EPB41L4A: variants seen among roughly 807,000 people sequenced by gnomAD.
EPB41L4A encodes the protein erythrocyte membrane protein band 4.1 like 4A.
Under a neutral mutation model 108.6 loss-of-function variants are expected in EPB41L4A, and 100 were observed. The ratio of observed to expected loss-of-function variants is 0.92; its 90% confidence interval spans 0.78 to 1.09. The LOEUF (loss-of-function observed/expected upper bound fraction) is 1.09. EPB41L4A is among the 50% of genes least tolerant of loss of function. EPB41L4A has a pLI of 0.00. For missense variants in EPB41L4A, 1,030 were observed against 842.7 expected, an observed-to-expected ratio of 1.22 and a Z score of -2.75; for synonymous variants, 319 against 289.0, an observed-to-expected ratio of 1.10 and a Z score of -1.05.
intron 2 of EPB41L4A, among the ~76,000 whole-genome samples, chr5:112,284,614 A>G (rs1482752798): frequency 2.0e-5 from 3 of 152,192 alleles, no homozygotes; most frequent in African/African-American, 7.2e-5. Flanking sequence ...TTTTGTAGGA[A>G]GGTAACAATG....
At chr5:112,185,973 G>C (rs1761406577) in intron 17 of EPB41L4A, among the ~76,000 whole-genome samples, 1 of 152,084 alleles carries the variant, frequency 6.6e-6, no homozygotes, top group Non-Finnish European at 1.5e-5. Flanking sequence ...CAGGACTGAG[G>C]GGTCAGGGTT....
At chr5:112,166,455 C>T (rs1337579525) in intron 22 of EPB41L4A, among the ~76,000 whole-genome samples, 1 of 152,110 alleles carries the variant, frequency 6.6e-6, no homozygotes, top group African/African-American at 2.4e-5. Context: ...CCTCAAATAC[C>T]CAGGCCCTCT....
At chr5:112,371,475 A>G (rs568895702) in intron 1 of EPB41L4A, among the ~76,000 whole-genome samples, 18 of 152,178 alleles carry the variant, frequency 1.2e-4, no homozygotes, top group African/African-American at 4.1e-4. Flanking sequence ...CCTTGGCCCC[A>G]CTTCCCTCCG....
At chr5:112,188,635 T>C (rs183509737) in intron 17 of EPB41L4A, among the ~76,000 whole-genome samples, 3 of 152,156 alleles carry the variant, frequency 2.0e-5, no homozygotes, top group Non-Finnish European at 4.4e-5. Context: ...TCAGAAACCC[T>C]TGCATCTGCA....
intron 9 of EPB41L4A, among the ~76,000 whole-genome samples, chr5:112,245,210 AAC>A (rs1374064755): frequency 6.6e-6 from 1 of 152,224 alleles, no homozygotes; most frequent in Non-Finnish European, 1.5e-5. Flanking sequence ...TATGAATGCT[AAC>A]ACAATAAACC....
At chr5:112,377,353 G>A (rs1351393982) in intron 1 of EPB41L4A, among the ~76,000 whole-genome samples, 1 of 152,144 alleles carries the variant, frequency 6.6e-6, no homozygotes, top group African/African-American at 2.4e-5. Context: ...GGGAAACTGG[G>A]CAAAGGGACA....
At chr5:112,414,814 C>A (rs1762612996) in intron 1 of EPB41L4A, among the ~76,000 whole-genome samples, 1 of 152,080 alleles carries the variant, frequency 6.6e-6, no homozygotes, top group African/African-American at 2.4e-5. Flanking sequence ...TCATCTTATG[C>A]GGCCACAACC....
intron 1 of EPB41L4A, among the ~76,000 whole-genome samples, chr5:112,312,502 GTGTGTC>G (rs1328403109): frequency 7.9e-5 from 12 of 152,196 alleles, no homozygotes; most frequent in Admixed American, 5.9e-4. Flanking sequence ...TATAGTGCAG[GTGTGTC>G]TACACAGGCA....
In EPB41L4A at chr5:112,238,295, A is replaced by G. The variant is rs551728695; in HGVS notation, c.965+1365T>C. Among the ~76,000 whole-genome samples, 44 of 152,272 alleles carry G rather than the reference A, an allele frequency of 2.9e-4. 1 individual carries two copies. The East Asian group carries it at 7.5e-3, about 26-fold the overall frequency. On this transcript the variant is annotated intron_variant, in intron 11 of 22. Coordinates refer to ENST00000261486, the MANE Select transcript of EPB41L4A (RefSeq NM_022140.5). ...TCCTTAAATTCTTCATAATTGTATC[A>G]CTGTCTACAGAAGAACAGTGAAAAC...
In EPB41L4A at chr5:112,418,984, T is replaced by C; in HGVS notation, c.56A>G (p.Asp19Gly). ...EEFYCEVLLL[D>G]ESKLTLTTQQ... ...GGTGGTAAGGGTTAACTTGGATTCA[T>C]CCAGGAGCAAAACTTCGCAGTAAAA... The change falls in exon 1 of 23, where the codon GAT becomes GGT. Residue 19 changes from aspartate (D) to glycine (G), a missense_variant. By Grantham distance (94) the Asp-to-Gly change is moderately conservative. Coordinates refer to ENST00000261486, the MANE Select transcript of EPB41L4A (RefSeq NM_022140.5). The C allele has an allele frequency of 1.2e-6, 2 of 1,613,536 alleles. No homozygotes were observed. Among genetic ancestry groups the C allele is most frequent in the Non-Finnish European group, 1.7e-6 (2 of 1,179,702 alleles).
At chr5:112,232,538 G>C (rs866169725) in intron 12 of EPB41L4A, among the ~76,000 whole-genome samples, 2 of 152,194 alleles carry the variant, frequency 1.3e-5, no homozygotes, top group Non-Finnish European at 2.9e-5. Context: ...GGGAACTAGA[G>C]TGAGACTTAA....
intron 1 of EPB41L4A, among the ~76,000 whole-genome samples, chr5:112,404,408 T>C (rs1761961203): frequency 6.6e-6 from 1 of 152,224 alleles, no homozygotes; most frequent in Admixed American, 6.5e-5. Context: ...CACAAGATAA[T>C]GATTTTTAAA....
chr5:112,388,549 G>A (rs975171152), intron 1 of EPB41L4A, among the ~76,000 whole-genome samples: 1 of 152,206 alleles, frequency 6.6e-6, no homozygotes, highest in Non-Finnish European at 1.5e-5. Context: ...CCACTGAATT[G>A]AAGAGACCGA....
intron 1 of EPB41L4A, among the ~76,000 whole-genome samples, chr5:112,355,273 G>A (rs1262353010): frequency 6.6e-6 from 1 of 152,168 alleles, no homozygotes; most frequent in Non-Finnish European, 1.5e-5. Context: ...CAACTAAAAT[G>A]GTTGAAATTA....
intron 18 of EPB41L4A, among the ~76,000 whole-genome samples, chr5:112,174,808 G>A (rs1161747083): frequency 6.6e-6 from 1 of 152,014 alleles, no homozygotes; most frequent in Non-Finnish European, 1.5e-5. Flanking sequence ...TCCTCTGAAA[G>A]GAAATTTAGA....
chr5:112,398,641 G>C (rs761473025), intron 1 of EPB41L4A, among the ~76,000 whole-genome samples: 1 of 151,916 alleles, frequency 6.6e-6, no homozygotes, highest in Non-Finnish European at 1.5e-5. Context: ...CTCCTGCCTC[G>C]GCCTCCCAAA....
Position 112,181,321 on chromosome 5 carries a change from G to A in EPB41L4A, c.1622+2695C>T, listed in dbSNP as rs148284320. Among the ~76,000 whole-genome samples, 439 of 152,140 alleles carry A rather than the reference G, an allele frequency of 2.9e-3. 1 individual carries two copies. The highest frequency in any genetic ancestry group is 0.01 in the African/African-American group (421 of 41,534). ...AAAAAATTAGCCGGGCGTGGTGGCG[G>A]GCGCCTCTTGTCCCAGCTACTCGGG... On this transcript the variant is annotated intron_variant, in intron 18 of 22. Coordinates refer to ENST00000261486, the MANE Select transcript of EPB41L4A (RefSeq NM_022140.5).
In EPB41L4A at chr5:112,339,539, T is replaced by G. The variant is rs868420746; in HGVS notation, c.100-32049A>C. Among the ~76,000 whole-genome samples the G allele has an allele frequency of 2.5e-3, 264 of 104,722 alleles. 3 individuals are homozygous for G. The highest frequency in any genetic ancestry group is 0.01 in the African/African-American group (242 of 23,754). 68.7% of individuals were successfully genotyped at this position (104,722 alleles called of 152,430 possible). A position where few individuals can be genotyped will look rare whatever the true frequency, so the allele number is the denominator to read the frequency against. ...ATATAGATATATATCTATATATATA[T>G]ATATTTTTTTTTTAGACAGAGTCTC... On this transcript the variant is annotated intron_variant, in intron 1 of 22. Transcript: ENST00000261486.
At position 112,239,746 on chromosome 5, in the gene EPB41L4A, T is replaced by G. The variant is rs1338613605; in HGVS notation, c.888-9A>C. The G allele has an allele frequency of 6.3e-7, 1 of 1,594,712 alleles. No homozygotes were observed. The highest frequency in any genetic ancestry group is 8.6e-7 in the Non-Finnish European group (1 of 1,166,708). On this transcript the variant is annotated splice_polypyrimidine_tract_variant and intron_variant, in intron 10 of 22. Transcript: ENST00000261486. ...ATTCATTTTCTGGCATTCTAATCAATTTTTAAAAGAAAATCAGACAAAGAC... is the reference window on the plus strand; with the variant it reads ...ATTCATTTTCTGGCATTCTAATCAAGTTTTAAAAGAAAATCAGACAAAGAC...
Sources: allele counts gnomAD v4.1 joint callset (sites outside exome capture counted in the v4.1 genomes callset), GRCh38; gene constraint gnomAD v4.1.1; transcripts MANE v1.5; gene names NCBI Gene and HGNC (gene_info 2026-07-23, HGNC 2026-07-21).